The following LINGO2 variants were observed in gnomAD, a reference collection of about 807,000 sequenced individuals.
LINGO2 encodes the protein leucine rich repeat and Ig domain containing 2.
In LINGO2, 14 loss-of-function variants were observed where a neutral mutation model predicts 30.6. The ratio of observed to expected loss-of-function variants is 0.46; its 90% CI spans 0.30 to 0.72. LINGO2 has a LOEUF of 0.72. Ranked by LOEUF, LINGO2 falls within the 30% of genes least tolerant of loss-of-function variation. LINGO2 has a pLI of 0.07. For synonymous variants in LINGO2, 317 were observed against 288.5 expected (o/e 1.10, Z -1.00); for missense variants, 729 against 751.7 (o/e 0.97, Z 0.35).
At chr9:28,273,061 A>G (rs1822997131) in intron 4 of LINGO2, among the ~76,000 whole-genome samples, 1 of 152,170 alleles carries the variant, frequency 6.6e-6, no homozygotes, top group Non-Finnish European at 1.5e-5. Context: ...TAAGCTCCAT[A>G]TATACTTAGG....
intron 4 of LINGO2, among the ~76,000 whole-genome samples, chr9:28,286,636 A>AT (rs1424556931): frequency 1.3e-5 from 2 of 152,232 alleles, no homozygotes; most frequent in Admixed American, 6.5e-5. Flanking sequence ...GCCATAAAAA[A>AT]GGATGACATC....
chr9:28,392,046 T>C (rs1821859776), intron 2 of LINGO2, among the ~76,000 whole-genome samples: 1 of 151,894 alleles, frequency 6.6e-6, no homozygotes, highest in Admixed American at 6.6e-5. Context: ...CTACTAAAAA[T>C]AGAAAAATTA....
the LINGO2 span, among the ~76,000 whole-genome samples, chr9:28,932,132 T>TAAAATAAAATAAAATA: frequency 1.0e-5 from 1 of 99,814 alleles, no homozygotes; most frequent in Non-Finnish European, 2.0e-5. Flanking sequence ...TAAAATAAAA[T>TAAAATAAAATAAAATA]AAGATAAAAT....
the LINGO2 span, among the ~76,000 whole-genome samples, chr9:29,187,884 A>T: frequency 6.7e-6 from 1 of 149,758 alleles, no homozygotes; most frequent in Non-Finnish European, 1.5e-5. Flanking sequence ...TCACTTTACC[A>T]GAAATGTAGC....
chr9:29,151,234 T>C, the LINGO2 span, among the ~76,000 whole-genome samples: 5 of 152,192 alleles, frequency 3.3e-5, no homozygotes, highest in East Asian at 5.8e-4. Flanking sequence ...TACCACTAGA[T>C]TGGCCTTATA....
chr9:28,570,778 T>G (rs1304300373), intron 1 of LINGO2, among the ~76,000 whole-genome samples: 2 of 151,962 alleles, frequency 1.3e-5, no homozygotes, highest in African/African-American at 4.8e-5. Context: ...TTTAAAACAC[T>G]CTTCAGTTGT....
the LINGO2 span, among the ~76,000 whole-genome samples, chr9:28,911,838 C>T: frequency 1.9e-4 from 29 of 152,128 alleles, no homozygotes; most frequent in African/African-American, 6.3e-4. Flanking sequence ...AACAGTCTTT[C>T]CCGGAGAGTA....
At chr9:28,190,895 A>G (rs1404388827) in intron 4 of LINGO2, among the ~76,000 whole-genome samples, 1 of 152,244 alleles carries the variant, frequency 6.6e-6, no homozygotes, top group Non-Finnish European at 1.5e-5. Context: ...TGAGAATTTA[A>G]CAACTAATAT....
Position 28,661,520 on chromosome 9 carries a change from T to C in LINGO2, c.-365+8680A>G, listed in dbSNP as rs534064819. 4.6e-5 allele frequency among the ~76,000 whole-genome samples: 7 copies of C among 152,266 alleles called. No individual in the cohort carries two copies. In the South Asian group the frequency reaches 1.4e-3, roughly 32 times the overall value. On this transcript the variant is annotated intron_variant, in intron 1 of 5. Coordinates refer to ENST00000379992, the Ensembl canonical transcript of LINGO2. ...AATCAAAGCAGATATTAATCAGAAA[T>C]AAATGGATTCTACAACTTTATAAGC... is the stretch of plus-strand genomic sequence containing the variant.
At chr9:29,103,479 C>T in the LINGO2 span, among the ~76,000 whole-genome samples, 1 of 151,864 alleles carries the variant, frequency 6.6e-6, no homozygotes. Context: ...ATAATTTATG[C>T]TCTACATTTA....
intron 1 of LINGO2, among the ~76,000 whole-genome samples, chr9:28,658,453 A>T (rs930964200): frequency 2.2e-4 from 33 of 151,036 alleles, no homozygotes; most frequent in African/African-American, 7.8e-4. Context: ...TAATTATTAC[A>T]TCTTCTTGGT....
intron 3 of LINGO2, among the ~76,000 whole-genome samples, chr9:28,327,396 T>C (rs1043219209): frequency 1.3e-5 from 2 of 152,184 alleles, no homozygotes; most frequent in Non-Finnish European, 2.9e-5. Flanking sequence ...CAAGAACCAC[T>C]GGCAATGCAT....
chr9:28,534,525 T>G (rs1821353335), intron 1 of LINGO2, among the ~76,000 whole-genome samples: 1 of 152,198 alleles, frequency 6.6e-6, no homozygotes, highest in African/African-American at 2.4e-5. Flanking sequence ...GATTATTTTT[T>G]CATTTCCTAC....
the LINGO2 span, among the ~76,000 whole-genome samples, chr9:29,115,390 TA>T: frequency 6.6e-6 from 1 of 152,058 alleles, no homozygotes; most frequent in Admixed American, 6.5e-5. Flanking sequence ...AGTGTTCAAA[TA>T]ATATTTCTAT....
At chr9:28,548,081 C>T (rs1191141795) in intron 1 of LINGO2, among the ~76,000 whole-genome samples, 3 of 152,070 alleles carry the variant, frequency 2.0e-5, no homozygotes, top group Non-Finnish European at 2.9e-5. Context: ...ACCTGGAGAG[C>T]TCACAGATCC....
At chr9:27,997,059 T>C (rs1821701275) in intron 5 of LINGO2, among the ~76,000 whole-genome samples, 1 of 152,214 alleles carries the variant, frequency 6.6e-6, no homozygotes, top group South Asian at 2.1e-4. Flanking sequence ...AGGAATTTAA[T>C]ATTCATATAC....
chr9:28,337,115 G>A (rs1825616186), intron 3 of LINGO2, among the ~76,000 whole-genome samples: 1 of 149,246 alleles, frequency 6.7e-6, no homozygotes, highest in Admixed American at 6.7e-5. Context: ...TATAGAATAT[G>A]TATATAGAGA....
the LINGO2 span, among the ~76,000 whole-genome samples, chr9:28,823,378 T>C: frequency 1.3e-5 from 2 of 152,198 alleles, no homozygotes; most frequent in Admixed American, 6.5e-5. Flanking sequence ...TATAGGTCAA[T>C]ATATCAAAAG....
intron 5 of LINGO2, among the ~76,000 whole-genome samples, chr9:27,953,543 T>G (rs368709752): frequency 6.6e-6 from 1 of 152,130 alleles, no homozygotes; most frequent in Non-Finnish European, 1.5e-5. Context: ...AACTGAATAG[T>G]GGGGGTGGTT....
Sources: allele counts gnomAD v4.1 joint callset (sites outside exome capture counted in the v4.1 genomes callset), GRCh38; gene constraint gnomAD v4.1.1; transcripts MANE v1.5; gene names NCBI Gene and HGNC (gene_info 2026-07-23, HGNC 2026-07-21).